Variants in CSGALNACT1 observed in about 807,000 individuals in gnomAD.
CSGALNACT1 encodes chondroitin sulfate N-acetylgalactosaminyltransferase 1, also known as beta4GalNAcT-1.
A neutral mutation model predicts 51.0 loss-of-function variants in CSGALNACT1; 52 were observed. The ratio of observed to expected loss-of-function variants is 1.02; its 90% confidence interval spans 0.82 to 1.29. The LOEUF (loss-of-function observed/expected upper bound fraction) is 1.29. Ranked by LOEUF, CSGALNACT1 falls within the 50% of genes most tolerant of loss-of-function variation. CSGALNACT1 has a pLI of 0.00. For synonymous variants in CSGALNACT1, 341 were observed against 254.4 expected (o/e 1.34, Z -3.24); for missense variants, 935 against 679.2 (o/e 1.38, Z -4.19).
At chr8:19,558,735 T>G (rs1400173530) in intron 3 of CSGALNACT1, among the ~76,000 whole-genome samples, 1 of 152,142 alleles carries the variant, frequency 6.6e-6, no homozygotes, top group Non-Finnish European at 1.5e-5. Flanking sequence ...AAAATTCTTT[T>G]CACACTGACA....
chr8:19,743,832 A>G (rs997642532), intron 1 of CSGALNACT1, among the ~76,000 whole-genome samples: 6 of 152,242 alleles, frequency 3.9e-5, no homozygotes, highest in African/African-American at 1.2e-4. Context: ...ACTATAGATG[A>G]TAAATTTCTC....
chr8:19,603,512 T>A (rs1012921197), upstream of CSGALNACT1, among the ~76,000 whole-genome samples: 5 of 152,224 alleles, frequency 3.3e-5, no homozygotes, highest in African/African-American at 9.6e-5. Flanking sequence ...CAAATTGCAG[T>A]TGGCAGCAAC....
intron 1 of CSGALNACT1, among the ~76,000 whole-genome samples, chr8:19,724,592 T>A (rs1404968665): frequency 6.6e-6 from 1 of 152,246 alleles, no homozygotes; most frequent in Non-Finnish European, 1.5e-5. Flanking sequence ...TTTTGCTGCA[T>A]ATAATAACAG....
chr8:19,745,068 G>T (rs139836246), intron 1 of CSGALNACT1, among the ~76,000 whole-genome samples: 1 of 152,190 alleles, frequency 6.6e-6, no homozygotes, highest in Non-Finnish European at 1.5e-5. Context: ...TCCAATGCTG[G>T]TTCAGCCTGT....
At chr8:19,623,910 C>T (rs996224756) in intron 1 of CSGALNACT1, among the ~76,000 whole-genome samples, 1 of 152,206 alleles carries the variant, frequency 6.6e-6, no homozygotes, top group Non-Finnish European at 1.5e-5. Flanking sequence ...TGTACTTAAG[C>T]CTGTGCCTAT....
intron 3 of CSGALNACT1, among the ~76,000 whole-genome samples, chr8:19,522,187 A>C (rs918976472): frequency 5.3e-5 from 8 of 152,200 alleles, no homozygotes; most frequent in African/African-American, 1.9e-4. Context: ...TTAAGGTCAA[A>C]ACCGTATTAG....
chr8:19,554,494 T>G (rs1366146845), intron 3 of CSGALNACT1, among the ~76,000 whole-genome samples: 1 of 56,782 alleles, frequency 1.8e-5, no homozygotes, highest in East Asian at 3.9e-4. Flanking sequence ...AATATACTAT[T>G]AAGTTACTTA....
intron 3 of CSGALNACT1, among the ~76,000 whole-genome samples, chr8:19,573,798 TTC>T (rs1451936560): frequency 1.3e-5 from 2 of 152,166 alleles, no homozygotes; most frequent in Non-Finnish European, 2.9e-5. Context: ...TGTATAAGGC[TTC>T]TCTCTTTACA....
intron 8 of CSGALNACT1, among the ~76,000 whole-genome samples, chr8:19,412,119 C>A (rs2055895810): frequency 6.6e-6 from 1 of 152,224 alleles, no homozygotes; most frequent in African/African-American, 2.4e-5. Context: ...AGGCATGGGC[C>A]ACCGCACCCA....
At chr8:19,666,793 AAGAAAGAAAGAAAGAAAGAGAG>A (rs200092662) in intron 1 of CSGALNACT1, among the ~76,000 whole-genome samples, 2,902 of 35,530 alleles carry the variant, frequency 0.082, 181 homozygotes, top group Admixed American at 0.15. Flanking sequence ...GAAAGAAAGA[AAGAAAGAAAGAAAGAAAGAGAG>A]AGAGAGAGAG....
chr8:19,716,755 G>A (rs1466428381), intron 1 of CSGALNACT1, among the ~76,000 whole-genome samples: 13 of 150,792 alleles, frequency 8.6e-5, no homozygotes, highest in Admixed American at 3.3e-4. Context: ...TCGTACCACC[G>A]CACTCCAACC....
At chr8:19,543,846 G>C (rs1307317514) in intron 3 of CSGALNACT1, among the ~76,000 whole-genome samples, 1 of 152,144 alleles carries the variant, frequency 6.6e-6, no homozygotes, top group Admixed American at 6.5e-5. Flanking sequence ...AAATGTAGAT[G>C]GCCTTGGGGA....
intron 1 of CSGALNACT1, among the ~76,000 whole-genome samples, chr8:19,651,390 A>C (rs1564350964): frequency 6.6e-6 from 1 of 152,160 alleles, no homozygotes; most frequent in African/African-American, 2.4e-5. Flanking sequence ...CGCACCCAAT[A>C]GTTTTTTTAT....
At chr8:19,653,537 T>C (rs1432928634) in intron 1 of CSGALNACT1, among the ~76,000 whole-genome samples, 2 of 152,208 alleles carry the variant, frequency 1.3e-5, no homozygotes, top group African/African-American at 4.8e-5. Flanking sequence ...CTCATGCCTG[T>C]AATCCCAGCA....
At chr8:19,617,621 T>C (rs1374079130) in intron 1 of CSGALNACT1, among the ~76,000 whole-genome samples, 1 of 152,204 alleles carries the variant, frequency 6.6e-6, no homozygotes. Flanking sequence ...GAAAAAAGAA[T>C]GTGCCAAGTG....
At chr8:19,536,191 G>A (rs759596844) in intron 3 of CSGALNACT1, among the ~76,000 whole-genome samples, 106 of 152,138 alleles carry the variant, frequency 7.0e-4, no homozygotes, top group Admixed American at 1.4e-3. Context: ...TGATGATGAT[G>A]TAAAATGTAG....
intron 5 of CSGALNACT1, among the ~76,000 whole-genome samples, chr8:19,452,150 T>C (rs550777869): frequency 2.0e-5 from 3 of 152,312 alleles, no homozygotes; most frequent in East Asian, 3.9e-4. Context: ...TGGAAGTTTC[T>C]ACATTAGCTT....
At chr8:19,639,073 G>C (rs1028763828) in intron 1 of CSGALNACT1, among the ~76,000 whole-genome samples, 1 of 152,096 alleles carries the variant, frequency 6.6e-6, no homozygotes, top group Non-Finnish European at 1.5e-5. Context: ...TCAGGACTCT[G>C]AAGGGGAAAA....
At chr8:19,566,084 C>T (rs530865889) in intron 3 of CSGALNACT1, among the ~76,000 whole-genome samples, 15 of 152,178 alleles carry the variant, frequency 9.9e-5, no homozygotes, top group Non-Finnish European at 1.8e-4. Context: ...AACCTTTTGT[C>T]TTCTATGGCA....
Sources: allele counts gnomAD v4.1 joint callset (sites outside exome capture counted in the v4.1 genomes callset), GRCh38; gene constraint gnomAD v4.1.1; transcripts MANE v1.5; gene names NCBI Gene and HGNC (gene_info 2026-07-23, HGNC 2026-07-21).